Variants in EBF3 observed in about 807,000 individuals in gnomAD.
The protein encoded by EBF3 is EBF transcription factor 3, also known as transcription factor COE3.
Under a neutral mutation model 77.1 loss-of-function variants are expected in EBF3, and 18 were observed. The ratio of observed to expected loss-of-function variants is 0.23; its 90% CI spans 0.16 to 0.35. The LOEUF is 0.35. Ranked by LOEUF, EBF3 falls within the 10% of genes least tolerant of loss-of-function variation. The pLI is 1.00. For synonymous variants in EBF3, 350 were observed against 343.5 expected, an observed-to-expected ratio of 1.02 and a Z score of -0.21; for missense variants, 558 against 860.0, an observed-to-expected ratio of 0.65 and a Z score of 4.39.
intron 10 of EBF3, among the ~76,000 whole-genome samples, chr10:129,854,189 T>A (rs1223387974): frequency 6.6e-6 from 1 of 152,196 alleles, no homozygotes; most frequent in Non-Finnish European, 1.5e-5. Flanking sequence ...TTCTTCACTT[T>A]ATCATCAACT....
At chr10:129,901,985 C>A (rs1287527900) in intron 6 of EBF3, among the ~76,000 whole-genome samples, 1 of 152,192 alleles carries the variant, frequency 6.6e-6, no homozygotes, top group African/African-American at 2.4e-5. Context: ...ACCTGTAAAA[C>A]CTTTCCCCAT....
chr10:129,959,153 G>A (rs1165486652), intron 4 of EBF3, 146 bp from the exon 5 acceptor site: 1 of 986,028 alleles, frequency 1.0e-6, no homozygotes, highest in Non-Finnish European at 1.5e-6. Flanking sequence ...CCACCCTCCC[G>A]ATGGGGTCAC....
intron 6 of EBF3, among the ~76,000 whole-genome samples, chr10:129,923,315 T>C (rs1434366696): frequency 6.6e-6 from 1 of 152,134 alleles, no homozygotes; most frequent in East Asian, 1.9e-4. Flanking sequence ...AGACACTCAG[T>C]AAAACATACT....
chr10:129,941,796 G>A (rs953127092), intron 6 of EBF3, among the ~76,000 whole-genome samples: 3 of 152,210 alleles, frequency 2.0e-5, no homozygotes, highest in African/African-American at 7.2e-5. Context: ...GTAATGCAGT[G>A]CCAGGCCTGG....
chr10:129,894,649 T>C (rs572658421), intron 6 of EBF3, among the ~76,000 whole-genome samples: 1 of 152,314 alleles, frequency 6.6e-6, no homozygotes, highest in Non-Finnish European at 1.5e-5. Flanking sequence ...GCTCCCCAGG[T>C]TGCAGCAGCC....
At chr10:129,893,002 C>T (rs1227054016) in intron 6 of EBF3, among the ~76,000 whole-genome samples, 1 of 152,244 alleles carries the variant, frequency 6.6e-6, no homozygotes, top group Non-Finnish European at 1.5e-5. Flanking sequence ...GAACAGGCTC[C>T]TGCCTGAATC....
intron 6 of EBF3, among the ~76,000 whole-genome samples, chr10:129,949,266 A>G (rs1858478606): frequency 6.6e-6 from 1 of 152,104 alleles, no homozygotes; most frequent in Non-Finnish European, 1.5e-5. Flanking sequence ...GTGCCATTGT[A>G]CTCCAGCTTG....
At chr10:129,844,464 C>T (rs988265900) in intron 11 of EBF3, among the ~76,000 whole-genome samples, 49 of 152,098 alleles carry the variant, frequency 3.2e-4, no homozygotes, top group Admixed American at 2.8e-3. Context: ...ACAGTGCAGT[C>T]GGCTGGTGGG....
At chr10:129,893,246 T>C (rs1281089463) in intron 6 of EBF3, among the ~76,000 whole-genome samples, 6 of 152,170 alleles carry the variant, frequency 3.9e-5, no homozygotes, top group African/African-American at 1.4e-4. Context: ...TTCACTATAC[T>C]CCACTTGACA....
chr10:129,860,950 T>C (rs1045147597), intron 10 of EBF3, among the ~76,000 whole-genome samples: 5 of 152,236 alleles, frequency 3.3e-5, no homozygotes, highest in Non-Finnish European at 7.3e-5. Flanking sequence ...TAAATGGGTG[T>C]CACTGATTAG....
rs1055476667 is a variant in EBF3, at chr10:129,863,989, G to C, written c.1039+3152C>G. ...CGATGGAGGAAATCCCTGAAGCTTC[G>C]GGCAGCCAGGACCCTGAGCTTGTGC... On this transcript the variant is annotated intron_variant, in intron 10 of 16. Coordinates refer to ENST00000440978, the MANE Select transcript of EBF3 (RefSeq NM_001375380.1). This position sits in a 1 kb window ranked among gnomAD's most constrained non-coding sequence, Gnocchi z 4.0. 6.6e-6 allele frequency among the ~76,000 whole-genome samples: 1 copy of C among 152,116 alleles called. No homozygotes were observed. Among genetic ancestry groups the C allele is most frequent in the Non-Finnish European group, 1.5e-5 (1 of 68,032 alleles).
chr10:129,918,640 C>G (rs752708676), intron 6 of EBF3, among the ~76,000 whole-genome samples: 3 of 152,166 alleles, frequency 2.0e-5, no homozygotes, highest in Non-Finnish European at 4.4e-5. Context: ...CCCTGCCCTA[C>G]CCCCCTCCCC....
rs1405261590 is a variant in EBF3, at chr10:129,848,616, C to T, written c.1040-136G>A. The T allele has an allele frequency of 3.5e-6, 3 of 862,746 alleles. No individual in the cohort carries two copies. The highest frequency in any genetic ancestry group is 3.3e-5 in the African/African-American group (2 of 60,058). The allele number at this position is 862,746 out of a possible 1,614,324, so 53.4% of individuals were successfully genotyped here. The stretch of plus-strand genomic sequence containing the variant: ...TAAGGCAAGCACCCCTGAATACTAG[C>T]TGTGTCTTAAGGAATAGATTTTCCC... On this transcript the variant is annotated intron_variant, in intron 10 of 16. Coordinates refer to ENST00000440978, the MANE Select transcript of EBF3 (RefSeq NM_001375380.1). The surrounding 1 kb of genome is among the most constrained non-coding windows in gnomAD (Gnocchi z 4.4).
chr10:129,915,715 A>G (rs537200102), intron 6 of EBF3, among the ~76,000 whole-genome samples: 29 of 152,308 alleles, frequency 1.9e-4, no homozygotes, highest in African/African-American at 6.5e-4. Flanking sequence ...ATACGAACAC[A>G]TTCCCGCATG....
At chr10:129,954,735 C>T (rs1432421640) in intron 6 of EBF3, among the ~76,000 whole-genome samples, 1 of 152,088 alleles carries the variant, frequency 6.6e-6, no homozygotes, top group African/African-American at 2.4e-5. Context: ...ATCCAAAGGC[C>T]ACAAGGAGCC....
At chr10:129,910,909 C>A (rs925302147) in intron 6 of EBF3, among the ~76,000 whole-genome samples, 35 of 152,318 alleles carry the variant, frequency 2.3e-4, no homozygotes, top group African/African-American at 8.2e-4. Flanking sequence ...CATATCCACT[C>A]CTGGGGCACA....
intron 5 of EBF3, among the ~76,000 whole-genome samples, chr10:129,958,433 C>T (rs1409049663): frequency 2.0e-5 from 3 of 152,182 alleles, no homozygotes; most frequent in African/African-American, 7.2e-5. Context: ...GTAACGGGCA[C>T]GCTATCTAAC....
chr10:129,850,896 C>T (rs962325616), intron 10 of EBF3, among the ~76,000 whole-genome samples: 7 of 152,184 alleles, frequency 4.6e-5, no homozygotes, highest in Non-Finnish European at 7.3e-5. Context: ...GCAAGTTCCC[C>T]GACGGGAGGA....
chr10:129,955,000 T>C (rs1320118446), intron 6 of EBF3, among the ~76,000 whole-genome samples: 1 of 152,168 alleles, frequency 6.6e-6, no homozygotes, highest in Non-Finnish European at 1.5e-5. Context: ...GAGATTGCCC[T>C]CCTATAGGTA....
Sources: allele counts gnomAD v4.1 joint callset (sites outside exome capture counted in the v4.1 genomes callset), GRCh38; gene constraint gnomAD v4.1.1; non-coding constraint Gnocchi (gnomAD v3.1); transcripts MANE v1.5; gene names NCBI Gene and HGNC (gene_info 2026-07-23, HGNC 2026-07-21).